TOM1L2: variants seen among roughly 807,000 people sequenced by gnomAD.
TOM1L2 encodes the protein TOM1-like protein 2.
In TOM1L2, 31 loss-of-function variants were observed where a neutral mutation model predicts 67.9. The observed-to-expected ratio is 0.46, with a 90% confidence interval of 0.34 to 0.62. The LOEUF (loss-of-function observed/expected upper bound fraction) is 0.62. Ranked by LOEUF, TOM1L2 falls within the 20% of genes least tolerant of loss-of-function variation. The pLI is 0.01. For missense variants in TOM1L2, 606 were observed against 663.5 expected, an observed-to-expected ratio of 0.91 and a Z score of 0.95; for synonymous variants, 256 against 254.0, an observed-to-expected ratio of 1.01 and a Z score of -0.07.
chr17:17,890,612 A>G lies in TOM1L2; in HGVS notation c.366+3049T>C, dbSNP rs546722340. Among the ~76,000 whole-genome samples, 12 of 152,286 alleles carry G rather than the reference A, an allele frequency of 7.9e-5. No homozygotes were observed. In the South Asian group the frequency reaches 2.5e-3, roughly 32 times the overall value. On this transcript the variant is annotated intron_variant, in intron 4 of 14. Coordinates refer to ENST00000379504, the MANE Select transcript of TOM1L2 (RefSeq NM_001082968.2). The stretch of plus-strand genomic sequence containing the variant: ...CGAAAGACCTAGAATCACAGGCAAC[A>G]ATGCGTGTGACACCCACAAACACAG...
intron 7 of TOM1L2, among the ~76,000 whole-genome samples, chr17:17,877,435 G>T (rs1263938460): frequency 6.6e-6 from 1 of 152,112 alleles, no homozygotes; most frequent in Non-Finnish European, 1.5e-5. Context: ...GCTTGATGGA[G>T]GGTCCTGGGG....
chr17:17,850,976 C>A, intron 12 of TOM1L2, 24 bp from the exon 13 acceptor site: 1 of 1,612,990 alleles, frequency 6.2e-7, no homozygotes, highest in Non-Finnish European at 8.5e-7. Context: ...AAGCAGCGGG[C>A]CAGGCAGCCC....
chr17:17,939,777 T>C (rs2040654283), intron 1 of TOM1L2, among the ~76,000 whole-genome samples: 1 of 152,194 alleles, frequency 6.6e-6, no homozygotes, highest in African/African-American at 2.4e-5. Flanking sequence ...AGATTATAAA[T>C]GTAATGAAAG....
At position 17,960,995 on chromosome 17, in the gene TOM1L2, C is replaced by G. The variant is rs2041654982; in HGVS notation, c.52+11267G>C. Among the ~76,000 whole-genome samples the G allele has an allele frequency of 2.6e-5, 4 of 152,172 alleles. No individual in the cohort carries two copies. The South Asian group carries it at 8.3e-4, about 32-fold the overall frequency. On this transcript the variant is annotated intron_variant, in intron 1 of 14. Transcript: ENST00000379504. Reference sequence around the variant, plus strand: ...ACACTATAAACAGAGTATAAAAAGGCAACCCACAGAATGGGAGAAAATATT... The same window carrying G: ...ACACTATAAACAGAGTATAAAAAGGGAACCCACAGAATGGGAGAAAATATT...
At chr17:17,857,444 C>T (rs1233736148) in intron 12 of TOM1L2, among the ~76,000 whole-genome samples, 1 of 152,144 alleles carries the variant, frequency 6.6e-6, no homozygotes, top group Non-Finnish European at 1.5e-5. Flanking sequence ...GCCACAGTAA[C>T]TTGTGCTCAT....
At chr17:17,967,583 C>T (rs961659060) in intron 1 of TOM1L2, among the ~76,000 whole-genome samples, 1 of 152,274 alleles carries the variant, frequency 6.6e-6, no homozygotes, top group East Asian at 1.9e-4. Flanking sequence ...CTTAGCCTCG[C>T]ACACCATGGC....
chr17:17,949,355 C>G (rs1287195069), intron 1 of TOM1L2, among the ~76,000 whole-genome samples: 1 of 152,192 alleles, frequency 6.6e-6, no homozygotes, highest in African/African-American at 2.4e-5. Flanking sequence ...TGCCACATCA[C>G]AAGGCTTCAT....
At chr17:17,884,546 C>A in intron 5 of TOM1L2, 88 bp downstream of exon 5, 3 of 1,565,858 alleles carry the variant, frequency 1.9e-6, no homozygotes, top group Non-Finnish European at 2.6e-6. Flanking sequence ...CTGAATAATT[C>A]AAAGGCAGCA....
intron 2 of TOM1L2, among the ~76,000 whole-genome samples, chr17:17,900,581 G>C (rs952738169): frequency 6.6e-6 from 1 of 150,954 alleles, no homozygotes; most frequent in African/African-American, 2.4e-5. Flanking sequence ...AAGGCTACTA[G>C]AAGAAAATTT....
At position 17,879,624 on chromosome 17, in the gene TOM1L2, C is replaced by G; in HGVS notation, c.777+3G>C. The G allele has an allele frequency of 6.2e-7, 1 of 1,611,260 alleles. No homozygotes were observed. The highest frequency in any genetic ancestry group is 8.5e-7 in the Non-Finnish European group (1 of 1,177,386). On this transcript the variant is annotated splice_donor_region_variant and intron_variant, in intron 7 of 14. Coordinates refer to ENST00000379504, the MANE Select transcript of TOM1L2 (RefSeq NM_001082968.2). ...GGCCAAGTGCTTCTGAAAGATGACT[C>G]ACCTGCAGCAACTCCAGATCAGATG...
intron 3 of TOM1L2, among the ~76,000 whole-genome samples, chr17:17,894,975 A>ACATGCATGCATGCATGCATGCATGCATG (rs34865538): frequency 1.4e-5 from 2 of 147,688 alleles, no homozygotes; most frequent in African/African-American, 2.5e-5. Context: ...ATACATACAT[A>ACATGCATGCATGCATGCATGCATGCATG]CATGCATGCA....
chr17:17,938,988 A>G (rs1206960029), intron 1 of TOM1L2, among the ~76,000 whole-genome samples: 1 of 152,204 alleles, frequency 6.6e-6, no homozygotes, highest in Non-Finnish European at 1.5e-5. Flanking sequence ...CTAGAATTCC[A>G]TTCTGTCTGA....
At chr17:17,878,768 G>A (rs1206936407) in intron 7 of TOM1L2, among the ~76,000 whole-genome samples, 4 of 152,238 alleles carry the variant, frequency 2.6e-5, no homozygotes, top group African/African-American at 9.6e-5. Context: ...ATTGAAAAGT[G>A]TGTGGGGCCT....
intron 1 of TOM1L2, among the ~76,000 whole-genome samples, chr17:17,919,870 G>A (rs997539178): frequency 6.6e-5 from 10 of 152,086 alleles, no homozygotes; most frequent in Non-Finnish European, 1.0e-4. Flanking sequence ...CGCCCCAGCC[G>A]CCAGGAAGGT....
intron 1 of TOM1L2, among the ~76,000 whole-genome samples, chr17:17,922,823 A>G (rs906709140): frequency 4.6e-5 from 7 of 152,168 alleles, no homozygotes; most frequent in Non-Finnish European, 8.8e-5. Flanking sequence ...CCAGCGGGGA[A>G]GCAGAAGGGG....
At chr17:17,944,639 G>A (rs979987527) in intron 1 of TOM1L2, among the ~76,000 whole-genome samples, 1 of 152,198 alleles carries the variant, frequency 6.6e-6, no homozygotes, top group African/African-American at 2.4e-5. Flanking sequence ...CTTCTCTTGT[G>A]AAAATCTATG....
intron 1 of TOM1L2, among the ~76,000 whole-genome samples, chr17:17,947,796 G>C (rs1221132655): frequency 6.6e-6 from 1 of 152,152 alleles, no homozygotes; most frequent in Non-Finnish European, 1.5e-5. Context: ...GTCTGATTTT[G>C]AAGATTTTGT....
chr17:17,923,565 C>A (rs1457235069), intron 1 of TOM1L2, among the ~76,000 whole-genome samples: 3 of 152,082 alleles, frequency 2.0e-5, no homozygotes, highest in Non-Finnish European at 4.4e-5. Context: ...TGGTGAGCAT[C>A]TGTAGTTTCA....
intron 1 of TOM1L2, among the ~76,000 whole-genome samples, chr17:17,913,820 C>T (rs567456716): frequency 5.9e-5 from 9 of 152,232 alleles, no homozygotes; most frequent in East Asian, 1.9e-4. Context: ...GCTGCTAAAC[C>T]GAACTTGGAA....
Sources: allele counts gnomAD v4.1 joint callset (sites outside exome capture counted in the v4.1 genomes callset), GRCh38; gene constraint gnomAD v4.1.1; transcripts MANE v1.5; gene names NCBI Gene and HGNC (gene_info 2026-07-23, HGNC 2026-07-21).